EMSY: variants seen among roughly 807,000 people sequenced by gnomAD.
The protein encoded by EMSY is EMSY transcriptional repressor, BRCA2 interacting.
EMSY carries 26 observed loss-of-function variants against 134.6 expected under a neutral mutation model. That is an observed-to-expected ratio of 0.19 (90% CI 0.14 to 0.27). EMSY has a LOEUF of 0.27. Among genes scored for constraint, EMSY ranks in the 10% least tolerant of loss-of-function variants. The probability of loss-of-function intolerance (pLI) is 1.00; values close to 1 mark genes in which losing one functional copy is unlikely to be tolerated. For missense variants in EMSY, 1,305 were observed against 1,611.4 expected, an observed-to-expected ratio of 0.81 and a Z score of 3.26; for synonymous variants, 579 against 577.8, an observed-to-expected ratio of 1.00 and a Z score of -0.03.
intron 8 of EMSY, among the ~76,000 whole-genome samples, chr11:76,493,793 C>T (rs770108469): frequency 1.3e-5 from 2 of 152,238 alleles, no homozygotes; most frequent in Non-Finnish European, 2.9e-5. Context: ...CTTCATTCTT[C>T]CTGGATGCGA....
intron 4 of EMSY, 103 bp downstream of exon 4, chr11:76,453,491 A>T: frequency 1.0e-6 from 1 of 994,482 alleles, no homozygotes; most frequent in Non-Finnish European, 1.5e-6. Flanking sequence ...CTTTTAAGTA[A>T]CAATATCTCT....
chr11:76,458,117 G>A (rs1947948275), intron 4 of EMSY, 66 bp from the exon 6 acceptor site: 3 of 1,424,452 alleles, frequency 2.1e-6, no homozygotes, highest in East Asian at 2.4e-5. Flanking sequence ...ATATGTTTGA[G>A]CATATATGTT....
intron 8 of EMSY, among the ~76,000 whole-genome samples, chr11:76,489,870 G>A (rs973493572): frequency 4.6e-5 from 7 of 152,078 alleles, no homozygotes; most frequent in Non-Finnish European, 8.8e-5. Context: ...CTCCCAAAGT[G>A]CTGGGATTAA....
At chr11:76,493,159 C>G (rs1459022859) in intron 8 of EMSY, among the ~76,000 whole-genome samples, 1 of 152,184 alleles carries the variant, frequency 6.6e-6, no homozygotes, top group Non-Finnish European at 1.5e-5. Flanking sequence ...AAGTTGAGGC[C>G]TAGCCTGGGT....
In EMSY at chr11:76,472,558, C is replaced by G; in HGVS notation, c.832-6C>G. On this transcript the variant is annotated splice_region_variant and splice_polypyrimidine_tract_variant and intron_variant, in intron 7 of 20. Coordinates refer to ENST00000334736, the Ensembl canonical transcript of EMSY. ...ACATAAAAATAACTTATTTTTTATT[C>G]CTTAGGTTATTATAGTCACCACATC... 1 of 1,609,850 alleles carries G rather than the reference C, an allele frequency of 6.2e-7. No individual in the cohort carries two copies. The highest frequency in any genetic ancestry group is 2.2e-5 in the East Asian group (1 of 44,828).
intron 9 of EMSY, among the ~76,000 whole-genome samples, chr11:76,498,839 G>A (rs570339106): frequency 2.0e-5 from 3 of 152,202 alleles, no homozygotes; most frequent in Non-Finnish European, 4.4e-5. Flanking sequence ...TTTTATTCAT[G>A]TTCACATAGT....
At chr11:76,517,641 G>A (rs117272533) in intron 11 of EMSY, among the ~76,000 whole-genome samples, 5,724 of 152,214 alleles carry the variant, frequency 0.038, 157 homozygotes, top group Middle Eastern at 0.065. Flanking sequence ...CCTGGTTAGA[G>A]CAATACAAGC....
At chr11:76,525,584 G>A (rs1172014540) in intron 12 of EMSY, among the ~76,000 whole-genome samples, 1 of 152,048 alleles carries the variant, frequency 6.6e-6, no homozygotes, top group African/African-American at 2.4e-5. Context: ...CACTGTATTT[G>A]AACTTAATTT....
intron 10 of EMSY, among the ~76,000 whole-genome samples, chr11:76,514,883 G>A (rs959377328): frequency 6.6e-6 from 1 of 151,964 alleles, no homozygotes; most frequent in African/African-American, 2.4e-5. Flanking sequence ...AGATAACAGT[G>A]TTATGCATAT....
intron 8 of EMSY, among the ~76,000 whole-genome samples, chr11:76,481,742 C>T (rs139402742): frequency 0.01 from 1,551 of 152,302 alleles, 27 homozygotes; most frequent in East Asian, 0.058. Flanking sequence ...AGGCAGCAGC[C>T]CCAGTCAGGG....
intron 9 of EMSY, among the ~76,000 whole-genome samples, chr11:76,509,253 G>A (rs916316468): frequency 6.6e-6 from 1 of 152,112 alleles, no homozygotes; most frequent in Non-Finnish European, 1.5e-5. Flanking sequence ...AACACTTTGG[G>A]AGGCCAAGGA....
intron 9 of EMSY, among the ~76,000 whole-genome samples, chr11:76,507,546 T>G (rs7115331): frequency 0.2 from 30,521 of 152,214 alleles, 3,878 homozygotes; most frequent in Non-Finnish European, 0.28. Context: ...ATTAGAAGAT[T>G]CCATCTCAAG....
intron 9 of EMSY, among the ~76,000 whole-genome samples, chr11:76,500,053 G>A (rs1263916805): frequency 6.7e-6 from 1 of 149,780 alleles, no homozygotes; most frequent in Non-Finnish European, 1.5e-5. Context: ...CTCCAGCGTG[G>A]GCTACAGAGT....
intron 19 of EMSY, 131 bp from the exon 21 acceptor site, chr11:76,545,651 CAGCCCTCTTTTTAAA>C: frequency 9.9e-7 from 1 of 1,010,532 alleles, no homozygotes; most frequent in South Asian, 1.8e-5. Flanking sequence ...CCTTCCTATC[CAGCCCTCTTTTTAAA>C]ACAGCAAGCT....
At chr11:76,528,281 C>A in exon 14 of EMSY, 1 of 1,613,158 alleles carries the variant, frequency 6.2e-7, no homozygotes, top group Non-Finnish European at 8.5e-7. Context: ...CTTATTAAAC[C>A]CAAACCAGTG....
In EMSY at chr11:76,544,590, C is replaced by A. The variant is rs770563709; in HGVS notation, c.3041C>A (p.Pro1014His). Residue 1014 changes from proline (P) to histidine (H), a missense_variant, in exon 19 of 21, where the codon CCC becomes CAC. Pro to His is a moderately conservative substitution (Grantham distance 77). This residue lies in a region of EMSY where 664 missense variants were observed against 763.9 expected (regional missense o/e 0.87). Coordinates refer to ENST00000334736, the Ensembl canonical transcript of EMSY. Reference sequence around the variant, plus strand: ...CCTCTCCAGCAAGAACAAGCACAGCCCAAGCCAGATGTACAGCACACACAG... The same window carrying A: ...CCTCTCCAGCAAGAACAAGCACAGCACAAGCCAGATGTACAGCACACACAG... 3 of 1,614,090 alleles carry A rather than the reference C, an allele frequency of 1.9e-6. No individual in the cohort carries two copies. The Admixed American group carries it at 5.0e-5, about 27-fold the overall frequency.
At chr11:76,463,980 T>A in exon 7 of EMSY, 1 of 1,614,166 alleles carries the variant, frequency 6.2e-7, no homozygotes, top group Non-Finnish European at 8.5e-7. Flanking sequence ...ATGAGCAACA[T>A]CATGCAGAGC....
intron 7 of EMSY, among the ~76,000 whole-genome samples, chr11:76,468,385 T>C (rs1948444915): frequency 1.3e-5 from 2 of 152,232 alleles, no homozygotes; most frequent in Non-Finnish European, 2.9e-5. Context: ...CAAATATTTA[T>C]TGAGCACCTA....
At chr11:76,502,631 A>G (rs1949918694) in intron 9 of EMSY, among the ~76,000 whole-genome samples, 1 of 152,042 alleles carries the variant, frequency 6.6e-6, no homozygotes, top group South Asian at 2.1e-4. Flanking sequence ...ATACAAAGTC[A>G]ACACACAAAA....
Sources: allele counts gnomAD v4.1 joint callset (sites outside exome capture counted in the v4.1 genomes callset), GRCh38; gene constraint gnomAD v4.1.1; regional missense constraint gnomAD v4.1.1; transcripts MANE v1.5; gene names NCBI Gene and HGNC (gene_info 2026-07-23, HGNC 2026-07-21).